The following CENPW variants were observed in gnomAD, a reference collection of about 807,000 sequenced individuals.
CENPW encodes cancer-up-regulated gene 2 protein.
Under a neutral mutation model 11.1 loss-of-function variants are expected in CENPW, and 3 were observed. The ratio of observed to expected loss-of-function variants is 0.27; its 90% CI spans 0.12 to 0.70. CENPW has a LOEUF of 0.70. Among genes scored for constraint, CENPW ranks in the 30% least tolerant of loss-of-function variants. CENPW has a pLI of 0.77. For missense variants in CENPW, 100 were observed against 105.6 expected (o/e 0.95, Z 0.23); for synonymous variants, 38 against 42.0 (o/e 0.91, Z 0.37).
At chr6:126,371,313 G>T in the CENPW span, among the ~76,000 whole-genome samples, 3 of 152,026 alleles carry the variant, frequency 2.0e-5, no homozygotes, top group African/African-American at 7.2e-5. Context: ...GCTGGATTTT[G>T]TCAAATTTTT....
chr6:126,407,875 G>C, the CENPW span, among the ~76,000 whole-genome samples: 14 of 152,122 alleles, frequency 9.2e-5, no homozygotes, highest in Admixed American at 7.2e-4. Flanking sequence ...TTCCCATTCT[G>C]TAGGTTGTCT....
chr6:126,445,646 T>C, the CENPW span, among the ~76,000 whole-genome samples: 1 of 151,174 alleles, frequency 6.6e-6, no homozygotes. Flanking sequence ...ATTGAAAATG[T>C]GCTCTTTGTA....
chr6:126,474,111 A>G, the CENPW span, among the ~76,000 whole-genome samples: 1 of 150,902 alleles, frequency 6.6e-6, no homozygotes, highest in Non-Finnish European at 1.5e-5. Context: ...ACACATATAT[A>G]TGTGTGTATA....
At chr6:126,340,991 G>C (rs1184825318) in intron 1 of CENPW, among the ~76,000 whole-genome samples, 1 of 152,168 alleles carries the variant, frequency 6.6e-6, no homozygotes, top group Non-Finnish European at 1.5e-5. Context: ...TGTAGGAAGA[G>C]TCCTCTCAAC....
At chr6:126,451,876 T>A in the CENPW span, among the ~76,000 whole-genome samples, 1 of 150,880 alleles carries the variant, frequency 6.6e-6, no homozygotes, top group Non-Finnish European at 1.5e-5. Context: ...GGGAAATGAG[T>A]CCACAAATAG....
At chr6:126,351,150 G>GTGTT (rs1491199643), downstream of CENPW, among the ~76,000 whole-genome samples, 1 of 45,292 alleles carries the variant, frequency 2.2e-5, no homozygotes, top group Non-Finnish European at 5.8e-5. Context: ...GAGAGAGTGA[G>GTGTT]TGTGTGTGTG....
At position 126,346,236 on chromosome 6, in the gene CENPW, G is replaced by A. The variant is rs745347945; in HGVS notation, c.158G>A (p.Arg53Gln). The stretch of plus-strand genomic sequence containing the variant: ...CTGAACTGTTTACTGTTTGTTCATC[G>A]ATTAGCAGAAGAGTCCAGGACAAAC... ...VHLNCLLFVHRLAEESRTNAC... is the reference protein window; with the variant it reads ...VHLNCLLFVHQLAEESRTNAC... The change falls in exon 2 of 3, where the codon CGA becomes CAA. Residue 53 changes from arginine (R) to glutamine (Q), a missense_variant. Arg to Gln is a conservative substitution (Grantham distance 43). Coordinates refer to ENST00000368328, the MANE Select transcript of CENPW (RefSeq NM_001012507.4). The A allele has an allele frequency of 9.8e-5, 157 of 1,603,430 alleles. No homozygotes were observed. The highest frequency in any genetic ancestry group is 1.3e-4 in the Non-Finnish European group (150 of 1,172,458).
At chr6:126,457,983 C>T in the CENPW span, among the ~76,000 whole-genome samples, 1 of 151,390 alleles carries the variant, frequency 6.6e-6, no homozygotes, top group Non-Finnish European at 1.5e-5. Flanking sequence ...TTCTAGCTCT[C>T]ACCTTCTAGA....
At chr6:126,371,096 AT>A in the CENPW span, among the ~76,000 whole-genome samples, 1 of 152,062 alleles carries the variant, frequency 6.6e-6, no homozygotes, top group African/African-American at 2.4e-5. Flanking sequence ...CTCTTGTCTG[AT>A]TGCTCTAGCT....
chr6:126,355,779 A>G, the CENPW span, among the ~76,000 whole-genome samples: 2 of 152,278 alleles, frequency 1.3e-5, no homozygotes, highest in East Asian at 1.9e-4. Context: ...TTTTAATTTC[A>G]TATTTCTTTG....
the CENPW span, among the ~76,000 whole-genome samples, chr6:126,425,801 G>GAA: frequency 7.1e-6 from 1 of 140,858 alleles, no homozygotes; most frequent in African/African-American, 2.6e-5. Flanking sequence ...AGCTAGCTGT[G>GAA]AAAAAAAAAA....
At chr6:126,378,097 T>A in the CENPW span, among the ~76,000 whole-genome samples, 1 of 152,144 alleles carries the variant, frequency 6.6e-6, no homozygotes, top group Non-Finnish European at 1.5e-5. Flanking sequence ...GTACTACAAA[T>A]TATCTTCTTT....
the CENPW span, among the ~76,000 whole-genome samples, chr6:126,432,601 A>G: frequency 6.6e-6 from 1 of 152,108 alleles, no homozygotes; most frequent in African/African-American, 2.4e-5. Context: ...TGTACTGACT[A>G]TCACACTTAG....
At chr6:126,395,611 A>G in the CENPW span, among the ~76,000 whole-genome samples, 2 of 151,944 alleles carry the variant, frequency 1.3e-5, no homozygotes, top group Non-Finnish European at 2.9e-5. Flanking sequence ...TTTTTTTTAT[A>G]TCTGTACACT....
At position 126,340,180 on chromosome 6, in the gene CENPW, A is replaced by C; in HGVS notation, c.-94A>C. On this transcript the variant is annotated 5_prime_UTR_variant, in exon 1 of 3. Transcript: ENST00000368328. Reference sequence around the variant, plus strand: ...TTCTGCCTGAAGAAGCGTCATACGGACCGGATTGTTTTCGCTGGCCCAGTG... The same window carrying C: ...TTCTGCCTGAAGAAGCGTCATACGGCCCGGATTGTTTTCGCTGGCCCAGTG... 2 of 1,151,188 alleles carry C rather than the reference A, an allele frequency of 1.7e-6. No homozygotes were observed. Among genetic ancestry groups the C allele is most frequent in the Non-Finnish European group, 2.6e-6 (2 of 784,150 alleles). The allele number at this position is 1,151,188 out of a possible 1,614,324, so 71.3% of individuals were successfully genotyped here. A position where few individuals can be genotyped will look rare whatever the true frequency, so the allele number is the denominator to read the frequency against.
At chr6:126,406,677 C>T in the CENPW span, among the ~76,000 whole-genome samples, 4 of 151,924 alleles carry the variant, frequency 2.6e-5, no homozygotes, top group Admixed American at 2.6e-4. Context: ...TATGGTGAAA[C>T]CCCGTCTCTA....
the CENPW span, among the ~76,000 whole-genome samples, chr6:126,358,070 C>A: frequency 1.3e-5 from 2 of 152,126 alleles, no homozygotes; most frequent in Non-Finnish European, 2.9e-5. Flanking sequence ...ATTTTGTATT[C>A]TGAAACTTTG....
At chr6:126,395,342 A>G in the CENPW span, among the ~76,000 whole-genome samples, 1 of 152,072 alleles carries the variant, frequency 6.6e-6, no homozygotes, top group African/African-American at 2.4e-5. Flanking sequence ...GTTCTTCAGT[A>G]TGCCAGTTGC....
At chr6:126,360,919 G>T in the CENPW span, among the ~76,000 whole-genome samples, 3 of 117,482 alleles carry the variant, frequency 2.6e-5, no homozygotes, top group South Asian at 1.2e-3. Context: ...TGTCATTTTG[G>T]TCATTTCAAT....
Sources: gnomAD v4.1 joint callset for allele counts (sites outside exome capture counted in the v4.1 genomes callset) on GRCh38, gnomAD v4.1.1 for gene constraint, MANE v1.5 for transcripts, NCBI Gene and HGNC (gene_info 2026-07-23, HGNC 2026-07-21) for gene names.